IMMP2L: variants seen among roughly 807,000 people sequenced by gnomAD.
The protein encoded by IMMP2L is inner mitochondrial membrane peptidase subunit 2.
Under a neutral mutation model 19.3 loss-of-function variants are expected in IMMP2L, and 18 were observed. The observed-to-expected ratio is 0.93, with a 90% CI of 0.64 to 1.38. IMMP2L has a LOEUF of 1.38. Among genes scored for constraint, IMMP2L ranks in the 40% most tolerant of loss-of-function variants. The probability of loss-of-function intolerance (pLI) is 0.00; values close to 1 mark genes in which losing one functional copy is unlikely to be tolerated. For synonymous variants in IMMP2L, 76 were observed against 73.0 expected, an observed-to-expected ratio of 1.04 and a Z score of -0.21; for missense variants, 233 against 218.2, an observed-to-expected ratio of 1.07 and a Z score of -0.43.
chr7:111,361,780 A>G (rs1291755608), intron 3 of IMMP2L, among the ~76,000 whole-genome samples: 6 of 152,082 alleles, frequency 3.9e-5, no homozygotes. Context: ...AACCTAGGAA[A>G]CTACTCTTCA....
intron 5 of IMMP2L, among the ~76,000 whole-genome samples, chr7:110,692,491 T>C (rs903529791): frequency 7.1e-6 from 1 of 141,712 alleles, no homozygotes; most frequent in Non-Finnish European, 1.6e-5. Context: ...CCTAAAGCTA[T>C]TGAAATAAAA....
chr7:110,910,049 C>G (rs1812889088), intron 4 of IMMP2L, among the ~76,000 whole-genome samples: 1 of 151,968 alleles, frequency 6.6e-6, no homozygotes, highest in Non-Finnish European at 1.5e-5. Context: ...TCAGTTAAGC[C>G]TAAGGTTAGG....
chr7:111,453,620 C>T (rs1839421201), intron 3 of IMMP2L, among the ~76,000 whole-genome samples: 2 of 151,944 alleles, frequency 1.3e-5, no homozygotes, highest in Admixed American at 6.6e-5. Flanking sequence ...AGGATGAAAC[C>T]GAGAGATCAT....
intron 3 of IMMP2L, among the ~76,000 whole-genome samples, chr7:111,402,999 CCCCCA>C (rs1217334254): frequency 2.9e-5 from 3 of 102,762 alleles, no homozygotes; most frequent in African/African-American, 1.2e-4. Flanking sequence ...TGACCCCCCC[CCCCCA>C]CCCCGCCAGG....
intron 4 of IMMP2L, among the ~76,000 whole-genome samples, chr7:110,952,545 G>T (rs1223118202): frequency 6.6e-6 from 1 of 152,134 alleles, no homozygotes; most frequent in Non-Finnish European, 1.5e-5. Context: ...TGAGGTTCAT[G>T]GTAGAACTAA....
At position 111,068,908 on chromosome 7, in the gene IMMP2L, T is replaced by C. The variant is rs555284909; in HGVS notation, c.240-105343A>G. On this transcript the variant is annotated intron_variant, in intron 3 of 5. Transcript: ENST00000405709. ...CACTAAGTTAGTGGGCTATCAGGGA[T>C]GATAGCCAATACAATAAAGTAATGA... 6.4e-4 allele frequency among the ~76,000 whole-genome samples: 98 copies of C among 152,304 alleles called. 1 individual carries two copies. The South Asian group carries it at 0.02, about 31-fold the overall frequency.
chr7:111,512,847 G>A (rs958465377), intron 2 of IMMP2L, among the ~76,000 whole-genome samples: 4 of 152,142 alleles, frequency 2.6e-5, no homozygotes, highest in African/African-American at 9.6e-5. Context: ...AACATACAAT[G>A]AGGAAAGAAT....
chr7:111,523,375 G>T (rs1356715244), intron 1 of IMMP2L, among the ~76,000 whole-genome samples: 1 of 151,860 alleles, frequency 6.6e-6, no homozygotes. Context: ...AAAACATTAT[G>T]TTGTATACAA....
At chr7:110,863,767 G>T (rs765527243) in intron 5 of IMMP2L, among the ~76,000 whole-genome samples, 2 of 152,042 alleles carry the variant, frequency 1.3e-5, no homozygotes, top group Non-Finnish European at 2.9e-5. Context: ...TGGTAGGTTA[G>T]GTATTTTGAA....
chr7:111,108,454 C>T (rs1563250818), intron 3 of IMMP2L, among the ~76,000 whole-genome samples: 2 of 152,046 alleles, frequency 1.3e-5, no homozygotes, highest in East Asian at 1.9e-4. Context: ...CCCCACTACA[C>T]TGTGCTATTA....
intron 3 of IMMP2L, among the ~76,000 whole-genome samples, chr7:111,062,530 T>G (rs560619937): frequency 7.2e-5 from 11 of 152,146 alleles, no homozygotes; most frequent in Non-Finnish European, 1.3e-4. Context: ...AACAGTCCCC[T>G]AAAGTCTTAA....
chr7:111,397,854 G>A (rs1378231290), intron 3 of IMMP2L, among the ~76,000 whole-genome samples: 1 of 151,906 alleles, frequency 6.6e-6, no homozygotes, highest in African/African-American at 2.4e-5. Context: ...ACATATAAGA[G>A]ACTTTCATTT....
chr7:111,450,862 A>G lies in IMMP2L; in HGVS notation c.239+36376T>C, dbSNP rs1480049043. On this transcript the variant is annotated intron_variant, in intron 3 of 5. Coordinates refer to ENST00000405709, the MANE Select transcript of IMMP2L (RefSeq NM_032549.4). Reference sequence around the variant, plus strand: ...TACAATGAACTCAAACAAATTTACAAGAAAAAAACAAACAACCCCATCAAA... The same window carrying G: ...TACAATGAACTCAAACAAATTTACAGGAAAAAAACAAACAACCCCATCAAA... Among the ~76,000 whole-genome samples the G allele has an allele frequency of 1.3e-5, 2 of 150,540 alleles. 1 individual carries two copies. The highest frequency in any genetic ancestry group is 3.0e-5 in the Non-Finnish European group (2 of 67,092).
chr7:111,047,981 T>G (rs1198938937), intron 3 of IMMP2L, among the ~76,000 whole-genome samples: 1 of 151,926 alleles, frequency 6.6e-6, no homozygotes, highest in Admixed American at 6.6e-5. Context: ...GGCTCACGCT[T>G]GTAATCCCAG....
chr7:111,502,915 A>G (rs1844450195), intron 2 of IMMP2L, among the ~76,000 whole-genome samples: 1 of 149,752 alleles, frequency 6.7e-6, no homozygotes, highest in Admixed American at 6.6e-5. Context: ...AAAGAACTAG[A>G]AAAGCAAGAG....
intron 5 of IMMP2L, among the ~76,000 whole-genome samples, chr7:110,665,893 C>T (rs1791414959): frequency 6.6e-6 from 1 of 152,120 alleles, no homozygotes; most frequent in Admixed American, 6.5e-5. Flanking sequence ...CATTGATGAT[C>T]CTGTCCGAAT....
At chr7:111,539,569 G>T (rs1285420794) in intron 1 of IMMP2L, among the ~76,000 whole-genome samples, 1 of 151,486 alleles carries the variant, frequency 6.6e-6, no homozygotes, top group Non-Finnish European at 1.5e-5. Context: ...GCCAGGGGGA[G>T]CAGGTGCTAA....
chr7:110,926,626 T>G (rs995590633), intron 4 of IMMP2L, among the ~76,000 whole-genome samples: 3 of 152,156 alleles, frequency 2.0e-5, no homozygotes, highest in African/African-American at 7.2e-5. Context: ...CATCTTTAAG[T>G]TTTTGCTTAT....
chr7:111,161,996 TGAG>T (rs1363542843), intron 3 of IMMP2L, among the ~76,000 whole-genome samples: 2 of 152,116 alleles, frequency 1.3e-5, no homozygotes, highest in African/African-American at 4.8e-5. Flanking sequence ...TGAGTATGTG[TGAG>T]TTACCACTTG....
Sources: allele counts gnomAD v4.1 joint callset (sites outside exome capture counted in the v4.1 genomes callset), GRCh38; gene constraint gnomAD v4.1.1; transcripts MANE v1.5; gene names NCBI Gene and HGNC (gene_info 2026-07-23, HGNC 2026-07-21).